Variants in CDC42BPB observed in about 807,000 individuals in gnomAD.
CDC42BPB encodes the protein CDC42 binding protein kinase beta.
In CDC42BPB, 37 loss-of-function variants were observed where a neutral mutation model predicts 214.9. The ratio of observed to expected loss-of-function variants is 0.17; its 90% CI spans 0.13 to 0.23. The LOEUF is 0.23. Ranked by LOEUF, CDC42BPB falls within the 10% of genes least tolerant of loss-of-function variation. The pLI, the probability that CDC42BPB is intolerant of heterozygous loss-of-function variation, is 1.00. For missense variants in CDC42BPB, 1,694 were observed against 2,227.0 expected (o/e 0.76, Z 4.82); for synonymous variants, 931 against 884.0 (o/e 1.05, Z -0.94).
chr14:102,979,216 GT>G (rs749681734), intron 8 of CDC42BPB, among the ~76,000 whole-genome samples: 169 of 138,264 alleles, frequency 1.2e-3, no homozygotes, highest in Non-Finnish European at 1.5e-3. Context: ...AACTTTTCTT[GT>G]TTTTTTTTTT....
At chr14:102,968,808 A>C (rs1893340038) in intron 14 of CDC42BPB, 92 bp from the exon 15 acceptor site, 1 of 1,554,066 alleles carries the variant, frequency 6.4e-7, no homozygotes, top group South Asian at 1.2e-5. Flanking sequence ...GCAAGTGCAG[A>C]CACCTTCCCA....
At chr14:102,963,281 G>A in intron 19 of CDC42BPB, 126 bp from the exon 20 acceptor site, 1 of 1,399,604 alleles carries the variant, frequency 7.1e-7, no homozygotes, top group Non-Finnish European at 9.3e-7. Context: ...GAACACGGTA[G>A]CTCATGCTGG....
chr14:102,984,981 C>A (rs753404085), intron 6 of CDC42BPB, among the ~76,000 whole-genome samples: 12 of 152,228 alleles, frequency 7.9e-5, no homozygotes, highest in Admixed American at 7.2e-4. Flanking sequence ...ACTACTGTGA[C>A]GGGGTGGAGT....
At chr14:102,963,959 C>T (rs994214669) in intron 19 of CDC42BPB, among the ~76,000 whole-genome samples, 8 of 152,182 alleles carry the variant, frequency 5.3e-5, no homozygotes, top group Non-Finnish European at 8.8e-5. Context: ...CGTTCATTAT[C>T]GTATCCTCGT....
intron 1 of CDC42BPB, among the ~76,000 whole-genome samples, chr14:103,053,588 C>T (rs891383787): frequency 1.0e-3 from 152 of 151,064 alleles, no homozygotes; most frequent in East Asian, 3.0e-3. Context: ...GGTGAAACCC[C>T]GTCTCTACTA....
At position 102,964,483 on chromosome 14, in the gene CDC42BPB, A is replaced by G; in HGVS notation, c.2726+19T>C. The G allele has an allele frequency of 1.2e-6, 2 of 1,612,176 alleles. No individual in the cohort carries two copies. Among genetic ancestry groups the G allele is most frequent in the South Asian group, 1.1e-5 (1 of 90,940 alleles). Reference sequence around the variant, plus strand: ...ACAGCCACTGCTCCTACCTGGAGTCAGACCCTGGCACCAAGTACCTTTCCA... The same window carrying G: ...ACAGCCACTGCTCCTACCTGGAGTCGGACCCTGGCACCAAGTACCTTTCCA... On this transcript the variant is annotated intron_variant, in intron 19 of 36. Transcript: ENST00000361246.
In CDC42BPB at chr14:102,975,985, C is replaced by T. The variant is rs780164492; in HGVS notation, c.1285G>A (p.Asp429Asn). 6.2e-7 allele frequency: 1 copy of T among 1,614,240 alleles called. No individual in the cohort carries two copies. Among genetic ancestry groups the T allele is most frequent in the South Asian group, 1.1e-5 (1 of 91,092 alleles). ...MQSNTLTKDE[D>N]VQRDLEHSLQ... is the part of the protein sequence containing the mutation. Reference sequence around the variant, plus strand: ...CTGTGCTCCAGGTCCCGCTGCACATCCTCATCTTTGGTTAATGTGTTGGAC... The same window carrying T: ...CTGTGCTCCAGGTCCCGCTGCACATTCTCATCTTTGGTTAATGTGTTGGAC... The change falls in exon 10 of 37, where the codon GAT (aspartate) becomes AAT (asparagine). Residue 429 changes from aspartate (D) to asparagine (N), a missense_variant. Coordinates refer to ENST00000361246, the MANE Select transcript of CDC42BPB (RefSeq NM_006035.4).
At chr14:102,946,434 C>T in intron 28 of CDC42BPB, 34 bp downstream of exon 28, 1 of 1,609,538 alleles carries the variant, frequency 6.2e-7, no homozygotes, top group East Asian at 2.2e-5. Flanking sequence ...GCTGTTGCTT[C>T]AGACACCTGA....
intron 5 of CDC42BPB, among the ~76,000 whole-genome samples, chr14:102,998,588 C>T (rs1169809543): frequency 1.3e-5 from 2 of 152,226 alleles, no homozygotes; most frequent in African/African-American, 2.4e-5. Flanking sequence ...GACTCAGTGG[C>T]TGAGTCACTG....
At chr14:102,939,114 T>G (rs1187621116) in intron 34 of CDC42BPB, among the ~76,000 whole-genome samples, 1 of 151,880 alleles carries the variant, frequency 6.6e-6, no homozygotes, top group East Asian at 1.9e-4. Context: ...TTTCTTTTTG[T>G]ATTTTTAGTA....
intron 27 of CDC42BPB, chr14:102,946,992 G>A: frequency 4.7e-6 from 2 of 427,528 alleles, no homozygotes; most frequent in Non-Finnish European, 6.2e-6. Flanking sequence ...CATTATAAAA[G>A]TAGATTCTGA....
chr14:102,935,555 C>T (rs184599906), intron 36 of CDC42BPB, among the ~76,000 whole-genome samples: 1 of 152,132 alleles, frequency 6.6e-6, no homozygotes, highest in Admixed American at 6.5e-5. Context: ...TTTGGGAGGC[C>T]AAGGCGGGCA....
intron 34 of CDC42BPB, among the ~76,000 whole-genome samples, chr14:102,939,258 A>G (rs1450223904): frequency 2.6e-5 from 4 of 152,258 alleles, no homozygotes; most frequent in Non-Finnish European, 5.9e-5. Context: ...CTTCTTAAGT[A>G]AAAAAGAGAA....
chr14:102,954,701 A>G lies in CDC42BPB; in HGVS notation c.2902-13T>C. ...TAGCTGAGCTGGTCTGTGAGAACCAAGAAAGAAAGAGTGGGGTGAAAGGAC... is the reference window on the plus strand; with the variant it reads ...TAGCTGAGCTGGTCTGTGAGAACCAGGAAAGAAAGAGTGGGGTGAAAGGAC... On this transcript the variant is annotated splice_polypyrimidine_tract_variant and intron_variant, in intron 21 of 36. Transcript: ENST00000361246. The G allele has an allele frequency of 6.2e-7, 1 of 1,610,556 alleles. No homozygotes were observed. The highest frequency in any genetic ancestry group is 8.5e-7 in the Non-Finnish European group (1 of 1,177,458).
intron 8 of CDC42BPB, among the ~76,000 whole-genome samples, chr14:102,979,073 G>T (rs779255383): frequency 2.0e-5 from 3 of 152,154 alleles, no homozygotes; most frequent in Admixed American, 6.5e-5. Flanking sequence ...TTGGAGTCTG[G>T]AGTCAGAGTC....
At chr14:103,024,523 T>C (rs1210411919) in intron 1 of CDC42BPB, among the ~76,000 whole-genome samples, 1 of 152,162 alleles carries the variant, frequency 6.6e-6, no homozygotes, top group Non-Finnish European at 1.5e-5. Context: ...CAACTTAACT[T>C]CAGTAATTAG....
At chr14:102,946,187 A>T (rs1024447481) in intron 28 of CDC42BPB, among the ~76,000 whole-genome samples, 3 of 150,622 alleles carry the variant, frequency 2.0e-5, no homozygotes, top group Admixed American at 6.6e-5. Context: ...TTTTATTTTT[A>T]TTTTTATTTT....
chr14:103,051,620 GCT>G (rs538106183), intron 1 of CDC42BPB, among the ~76,000 whole-genome samples: 16 of 152,342 alleles, frequency 1.1e-4, no homozygotes, highest in Non-Finnish European at 2.2e-4. Context: ...AAGCAGAGGA[GCT>G]CTCTGTCAAC....
In CDC42BPB at chr14:102,986,946, G is replaced by C. The variant is rs182970894; in HGVS notation, c.597-366C>G. On this transcript the variant is annotated intron_variant, in intron 5 of 36. Coordinates refer to ENST00000361246, the MANE Select transcript of CDC42BPB (RefSeq NM_006035.4). Reference sequence around the variant, plus strand: ...TTCATGAAGCCTGCACACGAGCTGAGGTCTTGCAAACACAAATAGGCACTG... The same window carrying C: ...TTCATGAAGCCTGCACACGAGCTGACGTCTTGCAAACACAAATAGGCACTG... 9.8e-5 allele frequency among the ~76,000 whole-genome samples: 15 copies of C among 152,300 alleles called. No individual in the cohort carries two copies. In the East Asian group the frequency reaches 2.7e-3, roughly 27 times the overall value.
Sources: allele counts gnomAD v4.1 joint callset (sites outside exome capture counted in the v4.1 genomes callset), GRCh38; gene constraint gnomAD v4.1.1; transcripts MANE v1.5; gene names NCBI Gene and HGNC (gene_info 2026-07-23, HGNC 2026-07-21).